Variants in FNBP4 observed in about 807,000 individuals in gnomAD.
The protein encoded by FNBP4 is formin-binding protein 4.
A neutral mutation model predicts 119.3 loss-of-function variants in FNBP4; 34 were observed. The ratio of observed to expected loss-of-function variants is 0.28; its 90% confidence interval spans 0.22 to 0.38. FNBP4 has a LOEUF of 0.38. FNBP4 is among the 10% of genes least tolerant of loss of function. The probability of loss-of-function intolerance (pLI) is 1.00; values close to 1 mark genes in which losing one functional copy is unlikely to be tolerated. For synonymous variants in FNBP4, 462 were observed against 430.6 expected, an observed-to-expected ratio of 1.07 and a Z score of -0.90; for missense variants, 1,112 against 1,228.9, an observed-to-expected ratio of 0.90 and a Z score of 1.42.
intron 4 of FNBP4, chr11:47,752,666 T>C: frequency 3.0e-6 from 1 of 335,920 alleles, no homozygotes; most frequent in Non-Finnish European, 5.5e-6. Flanking sequence ...AAAGAGAAAT[T>C]AGCCAGGCAT....
At chr11:47,747,724 C>T (rs1385623008) in intron 6 of FNBP4, among the ~76,000 whole-genome samples, 1 of 150,500 alleles carries the variant, frequency 6.6e-6, no homozygotes, top group African/African-American at 2.4e-5. Flanking sequence ...CCAAGGCAGG[C>T]GGATCACAAG....
intron 9 of FNBP4, among the ~76,000 whole-genome samples, chr11:47,736,076 TCA>T (rs201706843): frequency 4.5e-5 from 1 of 22,116 alleles, no homozygotes; most frequent in Admixed American, 8.0e-4. Context: ...AGACTCCGAC[TCA>T]CAAAAAAAAA....
At chr11:47,728,271 G>T (rs1044118785) in intron 12 of FNBP4, among the ~76,000 whole-genome samples, 1 of 150,442 alleles carries the variant, frequency 6.6e-6, no homozygotes, top group Admixed American at 6.6e-5. Flanking sequence ...TTTTTAAGAC[G>T]GAGTCTTTAA....
At chr11:47,743,893 AAG>A in intron 8 of FNBP4, 58 bp downstream of exon 8, 5 of 1,467,008 alleles carry the variant, frequency 3.4e-6, no homozygotes, top group South Asian at 1.2e-5. Context: ...AAAAAAAGAC[AAG>A]AGTTTCCTTC....
chr11:47,756,532 T>G (rs974903026), intron 2 of FNBP4, among the ~76,000 whole-genome samples: 7 of 152,174 alleles, frequency 4.6e-5, no homozygotes, highest in East Asian at 3.9e-4. Flanking sequence ...TCTTTCTGTA[T>G]GTAGGTTAAG....
intron 2 of FNBP4, among the ~76,000 whole-genome samples, chr11:47,762,056 T>C (rs961022274): frequency 2.0e-5 from 3 of 151,968 alleles, no homozygotes; most frequent in Non-Finnish European, 4.4e-5. Flanking sequence ...CAGGCTGGTC[T>C]CGAACTCCAG....
At chr11:47,718,360 C>G (rs2097551894) in intron 16 of FNBP4, among the ~76,000 whole-genome samples, 1 of 151,880 alleles carries the variant, frequency 6.6e-6, no homozygotes. Flanking sequence ...ACTACAGGCG[C>G]CTGCCACCAT....
At position 47,767,318 on chromosome 11, in the gene FNBP4, G is replaced by C. The variant is rs965320785; in HGVS notation, c.-30C>G. Reference sequence around the variant, plus strand: ...AGCCCAAGCGCGAGCAGAGAGCGTCGGGCGGCCGAGAGGGGCGGGCACTGG... The same window carrying C: ...AGCCCAAGCGCGAGCAGAGAGCGTCCGGCGGCCGAGAGGGGCGGGCACTGG... On this transcript the variant is annotated 5_prime_UTR_variant, in exon 1 of 17. Transcript: ENST00000263773. 4.8e-6 allele frequency: 7 copies of C among 1,453,232 alleles called. No individual in the cohort carries two copies. Among genetic ancestry groups the C allele is most frequent in the Non-Finnish European group, 6.3e-6 (7 of 1,109,386 alleles). 90.0% of individuals were successfully genotyped at this position (1,453,232 alleles called of 1,614,324 possible).
intron 15 of FNBP4, among the ~76,000 whole-genome samples, chr11:47,722,374 T>C (rs1244349941): frequency 6.6e-6 from 1 of 150,620 alleles, no homozygotes; most frequent in East Asian, 2.0e-4. Flanking sequence ...TCAGCCTCTT[T>C]AATAGCTTAT....
chr11:47,747,129 T>A (rs1244007922), intron 6 of FNBP4, among the ~76,000 whole-genome samples: 1 of 151,992 alleles, frequency 6.6e-6, no homozygotes, highest in African/African-American at 2.4e-5. Flanking sequence ...CCTCCCAGGT[T>A]CCAGCGATTC....
At chr11:47,747,586 C>T (rs780171099) in intron 6 of FNBP4, among the ~76,000 whole-genome samples, 6 of 152,100 alleles carry the variant, frequency 3.9e-5, no homozygotes, top group East Asian at 1.9e-4. Context: ...GGATTACAGG[C>T]GTGAGCCACC....
In FNBP4 at chr11:47,732,721, A is replaced by G; in HGVS notation, c.1687-51T>C. ...AAGACTTATTATTACATGTCAGGAGACACAGGCAAAGGGGATATAAACCTT... is the reference window on the plus strand; with the variant it reads ...AAGACTTATTATTACATGTCAGGAGGCACAGGCAAAGGGGATATAAACCTT... On this transcript the variant is annotated intron_variant, in intron 10 of 16. Coordinates refer to ENST00000263773, the MANE Select transcript of FNBP4 (RefSeq NM_015308.5). This position sits in a 1 kb window ranked among gnomAD's most constrained non-coding sequence, Gnocchi z 4.2. 4 of 1,570,226 alleles carry G rather than the reference A, an allele frequency of 2.5e-6. No individual in the cohort carries two copies. The highest frequency in any genetic ancestry group is 3.5e-6 in the Non-Finnish European group (4 of 1,140,804).
chr11:47,716,916 C>CT lies in FNBP4; in HGVS notation c.*505dup. 1 of 153,462 alleles carries CT rather than the reference C, an allele frequency of 6.5e-6. No individual in the cohort carries two copies. The highest frequency in any genetic ancestry group is 3.4e-3 in the Middle Eastern group (1 of 296). 9.5% of individuals were successfully genotyped at this position (153,462 alleles called of 1,614,324 possible). A position where few individuals can be genotyped will look rare whatever the true frequency, so the allele number is the denominator to read the frequency against. On this transcript the variant is annotated 3_prime_UTR_variant, in exon 17 of 17. Transcript: ENST00000263773. ...AGTTCTAGAACTTATGAGAACTACTCTAAAGAGTGTGGCCATCTATCAGCA... is the reference window on the plus strand; with the variant it reads ...AGTTCTAGAACTTATGAGAACTACTCTTAAAGAGTGTGGCCATCTATCAGCA...
intron 4 of FNBP4, among the ~76,000 whole-genome samples, chr11:47,751,674 C>T (rs6485774): frequency 0.3 from 46,268 of 151,994 alleles, 8,482 homozygotes; most frequent in African/African-American, 0.51. Context: ...ACAGTTTGGC[C>T]GGCTACAGTG....
intron 10 of FNBP4, 21 bp downstream of exon 10, chr11:47,734,004 A>C (rs1344781930): frequency 2.0e-5 from 22 of 1,096,006 alleles, no homozygotes; most frequent in Admixed American, 9.9e-5. Flanking sequence ...TTATGCCAAA[A>C]AAAAAAAAAA....
chr11:47,724,012 C>T lies in FNBP4; in HGVS notation c.2464+16G>A. 1 of 1,610,306 alleles carries T rather than the reference C, an allele frequency of 6.2e-7. No individual in the cohort carries two copies. The highest frequency in any genetic ancestry group is 8.5e-7 in the Non-Finnish European group (1 of 1,178,860). On this transcript the variant is annotated intron_variant, in intron 14 of 16. Transcript: ENST00000263773. ...AACAATACATTGAGGAAAAACCACG[C>T]TCTATGCACAATTACCTGTAGCTAT...
In FNBP4 at chr11:47,717,563, G is replaced by A. The variant is rs117033905; in HGVS notation, c.2964-51C>T. On this transcript the variant is annotated intron_variant, in intron 16 of 16. Coordinates refer to ENST00000263773, the MANE Select transcript of FNBP4 (RefSeq NM_015308.5). ...TTAGTGGAAAGAAAAATTAACAAAA[G>A]TATTCATTTCCCAGCAAATAAAAAT... 3.9e-6 allele frequency: 5 copies of A among 1,281,574 alleles called. No individual in the cohort carries two copies. The Admixed American group carries it at 7.3e-5, about 19-fold the overall frequency. 79.4% of individuals were successfully genotyped at this position (1,281,574 alleles called of 1,614,324 possible).
At chr11:47,731,816 C>G in intron 11 of FNBP4, 1 of 1,193,576 alleles carries the variant, frequency 8.4e-7, no homozygotes, top group African/African-American at 1.6e-5. Flanking sequence ...ACTTAGAAAA[C>G]ACTTTTCTCT....
chr11:47,726,743 C>T (rs185608488), intron 12 of FNBP4: 5 of 152,272 alleles, frequency 3.3e-5, no homozygotes, highest in Admixed American at 2.0e-4. Flanking sequence ...CTACATTATA[C>T]AATAGTACAC....
Sources: allele counts gnomAD v4.1 joint callset (sites outside exome capture counted in the v4.1 genomes callset), GRCh38; gene constraint gnomAD v4.1.1; non-coding constraint Gnocchi (gnomAD v3.1); transcripts MANE v1.5; gene names NCBI Gene and HGNC (gene_info 2026-07-23, HGNC 2026-07-21).